Variants in MYOF observed in about 807,000 individuals in gnomAD.
The protein encoded by MYOF is myoferlin, also known as fer-1-like 3, myoferlin.
MYOF carries 244 observed loss-of-function variants against 284.2 expected under a neutral mutation model. The ratio of observed to expected loss-of-function variants is 0.86; its 90% confidence interval spans 0.77 to 0.95. The LOEUF (loss-of-function observed/expected upper bound fraction) is 0.95. MYOF is among the 40% of genes least tolerant of loss of function. The probability of loss-of-function intolerance (pLI) is 0.00; values close to 1 mark genes in which losing one functional copy is unlikely to be tolerated. For synonymous variants in MYOF, 904 were observed against 919.7 expected (o/e 0.98, Z 0.31); for missense variants, 2,496 against 2,560.6 (o/e 0.97, Z 0.54).
At chr10:93,417,921 T>C (rs184684480) in intron 5 of MYOF, among the ~76,000 whole-genome samples, 1 of 152,096 alleles carries the variant, frequency 6.6e-6, no homozygotes, top group Non-Finnish European at 1.5e-5. Flanking sequence ...CCTCAGCCCC[T>C]AGAGTGGCTG....
At chr10:93,460,987 C>T (rs571501994) in intron 1 of MYOF, among the ~76,000 whole-genome samples, 73 of 151,834 alleles carry the variant, frequency 4.8e-4, no homozygotes, top group African/African-American at 1.7e-3. Context: ...CCCCGATACT[C>T]GGGTGGCTGA....
chr10:93,316,758 ATGATCAG>A lies in MYOF; in HGVS notation c.5647_5653del (p.Leu1883PhefsTer18). On this transcript the variant is annotated frameshift_variant, in exon 50 of 54. Coordinates refer to ENST00000359263, the MANE Select transcript of MYOF (RefSeq NM_013451.4). LOFTEE classifies it high-confidence loss of function. ...AAACTTGTCATTGTCCCATATCTGA[ATGATCAG>A]CCTGGGTGGGATTCGAAATTCCGTT... The A allele has an allele frequency of 6.2e-7, 1 of 1,614,094 alleles. No individual in the cohort carries two copies. Among genetic ancestry groups the A allele is most frequent in the Non-Finnish European group, 8.5e-7 (1 of 1,179,978 alleles).
intron 21 of MYOF, among the ~76,000 whole-genome samples, chr10:93,379,407 G>A (rs1846008405): frequency 6.6e-6 from 1 of 152,146 alleles, no homozygotes; most frequent in South Asian, 2.1e-4. Context: ...CTGGGCATAT[G>A]CCTGCCCAGG....
chr10:93,394,443 C>CTTTTTTTTTTTTTTTT (rs1193314228), intron 16 of MYOF, among the ~76,000 whole-genome samples: 2 of 58,860 alleles, frequency 3.4e-5, no homozygotes, highest in Non-Finnish European at 7.5e-5. Flanking sequence ...TGGTCACCAT[C>CTTTTTTTTTTTTTTTT]TTGTCTTTTT....
Position 93,374,842 on chromosome 10 carries a change from C to G in MYOF, c.2222G>C (p.Arg741Thr). The change falls in exon 23 of 54, where the codon AGG (arginine) becomes ACG (threonine). Residue 741 changes from arginine (R) to threonine (T), a missense_variant. Physicochemically the swap from Arg to Thr is moderately conservative, Grantham distance 71 (BLOSUM62 -1). Around this residue, in one of 3 missense-constraint regions of MYOF, gnomAD observed 2,436 missense variants for 2,480.7 expected, o/e 0.98. Coordinates refer to ENST00000359263, the MANE Select transcript of MYOF (RefSeq NM_013451.4). Reference sequence around the variant, plus strand: ...GGACTTCACATCTGTGGCTTCCGACCTCATCCTCACAGCCGCCTCATGTAT... The same window carrying G: ...GGACTTCACATCTGTGGCTTCCGACGTCATCCTCACAGCCGCCTCATGTAT... The part of the protein sequence containing the change: ...SQIHEAAVRM[R>T]SEATDVKSTL... 6.2e-7 allele frequency: 1 copy of G among 1,614,190 alleles called. No individual in the cohort carries two copies. Among genetic ancestry groups the G allele is most frequent in the Non-Finnish European group, 8.5e-7 (1 of 1,180,032 alleles).
chr10:93,326,900 C>T (rs1843072821), intron 45 of MYOF, among the ~76,000 whole-genome samples: 2 of 152,132 alleles, frequency 1.3e-5, no homozygotes, highest in Admixed American at 1.3e-4. Context: ...GCTGGGATTA[C>T]AGGTGTGAGC....
chr10:93,438,571 T>C (rs2056143915), intron 3 of MYOF, among the ~76,000 whole-genome samples: 1 of 152,148 alleles, frequency 6.6e-6, no homozygotes, highest in Non-Finnish European at 1.5e-5. Flanking sequence ...CCCAGATCCC[T>C]GAGTCCGACT....
chr10:93,343,469 G>A (rs1473224953), intron 38 of MYOF, among the ~76,000 whole-genome samples: 17 of 152,188 alleles, frequency 1.1e-4, no homozygotes, highest in Non-Finnish European at 4.4e-5. Flanking sequence ...CTCAGACTTC[G>A]CTTTCTAGCA....
chr10:93,369,893 T>G, intron 24 of MYOF, 117 bp from the exon 25 acceptor site: 1 of 1,316,502 alleles, frequency 7.6e-7, no homozygotes, highest in Non-Finnish European at 1.0e-6. Flanking sequence ...TCTAATTTTA[T>G]GTTTGCTTCA....
rs574197145 is a variant in MYOF, at chr10:93,429,109, G to A, written c.345+2299C>T. Among the ~76,000 whole-genome samples, 52 of 152,312 alleles carry A rather than the reference G, an allele frequency of 3.4e-4. No homozygotes were observed. The South Asian group carries it at 8.7e-3, about 26-fold the overall frequency. On this transcript the variant is annotated intron_variant, in intron 4 of 53. Transcript: ENST00000359263. The stretch of plus-strand genomic sequence containing the variant: ...TGGGTCATGGGGGCGGATCCCTCAC[G>A]AAGGGCTTGGTGCCATTCTTGCAGT...
intron 31 of MYOF, 98 bp downstream of exon 31, chr10:93,355,530 A>G (rs1844754862): frequency 1.1e-6 from 1 of 918,962 alleles, no homozygotes; most frequent in Non-Finnish European, 1.6e-6. Flanking sequence ...CAGCGAGCCA[A>G]GATCGTACCA....
In MYOF at chr10:93,362,625, A is replaced by C. The variant is rs116128763; in HGVS notation, c.2869-1068T>G. Reference sequence around the variant, plus strand: ...ATACAATTAGCAAAATTTATCTAAAATATTGACTTAAGTTTGCATAAAAAT... The same window carrying C: ...ATACAATTAGCAAAATTTATCTAAACTATTGACTTAAGTTTGCATAAAAAT... On this transcript the variant is annotated intron_variant, in intron 27 of 53. Coordinates refer to ENST00000359263, the MANE Select transcript of MYOF (RefSeq NM_013451.4). Among the ~76,000 whole-genome samples the C allele has an allele frequency of 5.4e-3, 829 of 152,314 alleles. 6 individuals are homozygous for C. The highest frequency in any genetic ancestry group is 0.019 in the African/African-American group (780 of 41,572).
In MYOF at chr10:93,361,693, C is replaced by T. The variant is rs1315757123; in HGVS notation, c.2869-136G>A. 58 of 709,568 alleles carry T rather than the reference C, an allele frequency of 8.2e-5. No homozygotes were observed. The East Asian group carries it at 1.6e-3, about 19-fold the overall frequency. The allele number at this position is 709,568 out of a possible 1,614,324, so 44.0% of individuals were successfully genotyped here. A position where few individuals can be genotyped will look rare whatever the true frequency, so the allele number is the denominator to read the frequency against. On this transcript the variant is annotated intron_variant, in intron 27 of 53. Coordinates refer to ENST00000359263, the MANE Select transcript of MYOF (RefSeq NM_013451.4). ...GATACCATCTTAGAGATCCATTTCA[C>T]TCAGAAAAATCTCTAATCTTTATTT...
At chr10:93,388,539 C>T (rs911650666) in intron 18 of MYOF, among the ~76,000 whole-genome samples, 10 of 152,144 alleles carry the variant, frequency 6.6e-5, no homozygotes, top group Non-Finnish European at 1.3e-4. Context: ...TTACCCTTCC[C>T]CTCTGAGGGC....
chr10:93,416,720 C>T (rs1166700121), intron 5 of MYOF, among the ~76,000 whole-genome samples: 1 of 151,506 alleles, frequency 6.6e-6, no homozygotes, highest in Non-Finnish European at 1.5e-5. Context: ...GCCTCAATCT[C>T]CCAAGTAGCT....
At chr10:93,394,990 A>G (rs1294193077) in intron 16 of MYOF, among the ~76,000 whole-genome samples, 1 of 151,720 alleles carries the variant, frequency 6.6e-6, no homozygotes. Context: ...ATGTTTTTTC[A>G]AAACCTATAA....
intron 4 of MYOF, among the ~76,000 whole-genome samples, chr10:93,430,958 C>A (rs1043124844): frequency 6.6e-6 from 1 of 151,548 alleles, no homozygotes. Context: ...CAATTGATAC[C>A]TTTTCCTTTT....
At chr10:93,457,021 AC>A in intron 1 of MYOF, 84 bp from the exon 2 acceptor site, 1 of 1,001,864 alleles carries the variant, frequency 1.0e-6, no homozygotes, top group Non-Finnish European at 1.5e-6. Flanking sequence ...TAAGAACATT[AC>A]CCAAGGGTCT....
chr10:93,331,358 G>C (rs375146360), intron 43 of MYOF, among the ~76,000 whole-genome samples: 2 of 152,180 alleles, frequency 1.3e-5, no homozygotes, highest in African/African-American at 4.8e-5. Context: ...ATGAGGGGAA[G>C]TCTGCCCATC....
Sources: gnomAD v4.1 joint callset for allele counts (sites outside exome capture counted in the v4.1 genomes callset) on GRCh38, gnomAD v4.1.1 for gene constraint, gnomAD v4.1.1 regional missense constraint, MANE v1.5 for transcripts, NCBI Gene and HGNC (gene_info 2026-07-23, HGNC 2026-07-21) for gene names.